Variants in PRKD1 observed in about 807,000 individuals in gnomAD.
PRKD1 encodes the protein protein kinase D1.
In PRKD1, 63 loss-of-function variants were observed where a neutral mutation model predicts 95.9. The observed-to-expected ratio is 0.66, with a 90% confidence interval of 0.54 to 0.81. The LOEUF (loss-of-function observed/expected upper bound fraction) is 0.81. PRKD1 is among the 30% of genes least tolerant of loss of function. PRKD1 has a pLI of 0.00. For synonymous variants in PRKD1, 425 were observed against 423.1 expected (o/e 1.00, Z -0.05); for missense variants, 1,048 against 1,165.3 (o/e 0.90, Z 1.47).
rs772584312 is a variant in PRKD1 at position 29,666,027 on chromosome 14, A to C, written c.535+50T>G. ...GCAATTGTGAATTCTGCTGCGATAA[A>C]CACAGGAGAACAGCACACATTTAAC... On this transcript the variant is annotated intron_variant, in intron 3 of 17. Coordinates refer to ENST00000331968, the MANE Select transcript of PRKD1 (RefSeq NM_002742.3). 2.0e-6 allele frequency: 3 copies of C among 1,518,184 alleles called. No individual in the cohort carries two copies. In the South Asian group the frequency reaches 4.0e-5, roughly 20 times the overall value. 94.0% of individuals were successfully genotyped at this position (1,518,184 alleles called of 1,614,324 possible).
chr14:29,776,917 G>GGAAGCCCATCAGACTAA (rs1888788420), intron 1 of PRKD1, among the ~76,000 whole-genome samples: 1 of 152,282 alleles, frequency 6.6e-6, no homozygotes, highest in African/African-American at 2.4e-5. Context: ...ACCCTCAAAG[G>GGAAGCCCATCAGACTAA]GAAGCCCATC....
In PRKD1 at chr14:29,670,489, T is replaced by C. The variant is rs542635377; in HGVS notation, c.404-4281A>G. Among the ~76,000 whole-genome samples the C allele has an allele frequency of 1.1e-4, 17 of 152,186 alleles. 1 individual carries two copies. The highest frequency in any genetic ancestry group is 1.1e-3 in the Admixed American group (17 of 15,282). ...AGTCTTATTTTAATTATATATAACATAGGATTGTCTATATATTTCTTTACA... is the reference window on the plus strand; with the variant it reads ...AGTCTTATTTTAATTATATATAACACAGGATTGTCTATATATTTCTTTACA... On this transcript the variant is annotated intron_variant, in intron 2 of 17. Coordinates refer to ENST00000331968, the MANE Select transcript of PRKD1 (RefSeq NM_002742.3).
chr14:29,667,477 T>G (rs1393041725), intron 2 of PRKD1, among the ~76,000 whole-genome samples: 5 of 152,158 alleles, frequency 3.3e-5, no homozygotes, highest in Non-Finnish European at 7.3e-5. Flanking sequence ...CATTTCCCAC[T>G]TCAAGATCCA....
chr14:29,813,598 C>G (rs1322502327), intron 1 of PRKD1, among the ~76,000 whole-genome samples: 1 of 152,092 alleles, frequency 6.6e-6, no homozygotes, highest in Non-Finnish European at 1.5e-5. Context: ...AGACACTACC[C>G]AAAGAGCACC....
chr14:29,764,535 A>G (rs1888172681), intron 1 of PRKD1, among the ~76,000 whole-genome samples: 1 of 152,178 alleles, frequency 6.6e-6, no homozygotes, highest in Non-Finnish European at 1.5e-5. Flanking sequence ...ACCAAGGTGC[A>G]GCAGTTTGAT....
chr14:29,880,021 C>G (rs1165200239), intron 1 of PRKD1, among the ~76,000 whole-genome samples: 1 of 152,116 alleles, frequency 6.6e-6, no homozygotes, highest in East Asian at 1.9e-4. Flanking sequence ...AATTTTCAGC[C>G]TGATGATGCA....
chr14:29,762,005 C>G (rs1888015366), intron 1 of PRKD1, among the ~76,000 whole-genome samples: 1 of 151,922 alleles, frequency 6.6e-6, no homozygotes, highest in South Asian at 2.1e-4. Context: ...CTTTGAGGCT[C>G]AAATAATCCT....
At chr14:29,743,922 A>C (rs1022827179) in intron 1 of PRKD1, among the ~76,000 whole-genome samples, 3 of 152,138 alleles carry the variant, frequency 2.0e-5, no homozygotes, top group Non-Finnish European at 4.4e-5. Flanking sequence ...CTCCCACTTG[A>C]CTGGCTATCA....
intron 1 of PRKD1, among the ~76,000 whole-genome samples, chr14:29,874,574 C>T (rs948757300): frequency 9.2e-5 from 14 of 152,094 alleles, no homozygotes; most frequent in Non-Finnish European, 2.1e-4. Context: ...AGCAAAGATA[C>T]AGAATCAACC....
chr14:29,808,289 T>C (rs369706649), intron 1 of PRKD1, among the ~76,000 whole-genome samples: 1 of 151,816 alleles, frequency 6.6e-6, no homozygotes, highest in African/African-American at 2.4e-5. Context: ...AATGACTTTA[T>C]TTGTTCATCC....
intron 1 of PRKD1, among the ~76,000 whole-genome samples, chr14:29,769,063 A>C (rs551707868): frequency 1.3e-5 from 2 of 152,268 alleles, no homozygotes; most frequent in South Asian, 4.1e-4. Context: ...GCATTACAGT[A>C]ATTTGCACAA....
chr14:29,831,627 C>A (rs945934420), intron 1 of PRKD1, among the ~76,000 whole-genome samples: 3 of 151,978 alleles, frequency 2.0e-5, no homozygotes, highest in Non-Finnish European at 4.4e-5. Flanking sequence ...TGCCACCACA[C>A]CCAGCTAATT....
chr14:29,788,410 T>G (rs1219247700), intron 1 of PRKD1, among the ~76,000 whole-genome samples: 1 of 152,186 alleles, frequency 6.6e-6, no homozygotes, highest in Non-Finnish European at 1.5e-5. Flanking sequence ...CCTTTTGGAA[T>G]TGAATCAGTT....
At chr14:29,731,290 T>G (rs1314218354) in intron 1 of PRKD1, among the ~76,000 whole-genome samples, 2 of 152,218 alleles carry the variant, frequency 1.3e-5, no homozygotes, top group Non-Finnish European at 2.9e-5. Context: ...CATTTAATTC[T>G]GCTAAGGTCC....
At chr14:29,582,900 C>A (rs1464754884) in intron 16 of PRKD1, among the ~76,000 whole-genome samples, 1 of 152,098 alleles carries the variant, frequency 6.6e-6, no homozygotes. Context: ...TTGGGCCATT[C>A]TATGAATTCC....
chr14:29,873,050 T>C (rs1594593036), intron 1 of PRKD1, among the ~76,000 whole-genome samples: 1 of 152,232 alleles, frequency 6.6e-6, no homozygotes, highest in East Asian at 1.9e-4. Context: ...GCTTTACAAG[T>C]AATTTTGATG....
chr14:29,656,456 C>T (rs1224066781), intron 4 of PRKD1: 6 of 1,528,920 alleles, frequency 3.9e-6, no homozygotes, highest in South Asian at 3.6e-5. Context: ...TTTCTAGCAC[C>T]AGGTAGCATT....
chr14:29,665,550 A>C (rs1218734826), intron 3 of PRKD1, among the ~76,000 whole-genome samples: 1 of 152,134 alleles, frequency 6.6e-6, no homozygotes, highest in African/African-American at 2.4e-5. Flanking sequence ...TTGCTGCAAA[A>C]GACATTATTT....
intron 2 of PRKD1, among the ~76,000 whole-genome samples, chr14:29,711,417 T>C (rs1885329040): frequency 6.6e-6 from 1 of 152,056 alleles, no homozygotes; most frequent in Non-Finnish European, 1.5e-5. Context: ...TCCAACACAA[T>C]ATACAATGCA....
Sources: allele counts gnomAD v4.1 joint callset (sites outside exome capture counted in the v4.1 genomes callset), GRCh38; gene constraint gnomAD v4.1.1; transcripts MANE v1.5; gene names NCBI Gene and HGNC (gene_info 2026-07-23, HGNC 2026-07-21).